The following DST variants were observed in gnomAD, a reference collection of about 807,000 sequenced individuals.
DST encodes the protein dystonin, also known as bullous pemphigoid antigen.
DST carries 253 observed loss-of-function variants against 875.2 expected under a neutral mutation model. The ratio of observed to expected loss-of-function variants is 0.29; its 90% CI spans 0.26 to 0.32. DST has a LOEUF of 0.32. Among genes scored for constraint, DST ranks in the 10% least tolerant of loss-of-function variants. The pLI is 1.00. For missense variants in DST, 8,287 were observed against 9,111.6 expected, an observed-to-expected ratio of 0.91 and a Z score of 3.68; for synonymous variants, 3,124 against 3,197.1, an observed-to-expected ratio of 0.98 and a Z score of 0.77.
intron 4 of DST, among the ~76,000 whole-genome samples, chr6:56,781,859 C>G (rs867855998): frequency 6.6e-6 from 1 of 152,064 alleles, no homozygotes; most frequent in Non-Finnish European, 1.5e-5. Context: ...GGCTGTGGGT[C>G]TGTCATAGAT....
Position 56,553,301 on chromosome 6 carries a change from G to A in DST, c.15491C>T (p.Ser5164Leu), listed in dbSNP as rs372645800. 8 of 1,613,314 alleles carry A rather than the reference G, an allele frequency of 5.0e-6. No individual in the cohort carries two copies. The highest frequency in any genetic ancestry group is 5.1e-6 in the Non-Finnish European group (6 of 1,179,836). Residue 5164 changes from serine to leucine, a missense_variant, in exon 61 of 104, where the codon TCA (serine) becomes TTA (leucine). Coordinates refer to ENST00000680361, the MANE Select transcript of DST (RefSeq NM_001374736.1). ...TTTATACTTAAGGGCTTTTTCCAATGACTCTTTTAACTTGTTTTCTCTTTC... is the reference window on the plus strand; with the variant it reads ...TTTATACTTAAGGGCTTTTTCCAATAACTCTTTTAACTTGTTTTCTCTTTC... ...VKERENKLKE[S>L]LEKALKYKEQ...
intron 49 of DST, among the ~76,000 whole-genome samples, chr6:56,585,035 G>A (rs1366735622): frequency 1.3e-5 from 2 of 151,938 alleles, no homozygotes; most frequent in Non-Finnish European, 2.9e-5. Context: ...TGTTCATCAA[G>A]GATATTGGTC....
At chr6:56,582,823 C>T (rs951060275) in intron 49 of DST, among the ~76,000 whole-genome samples, 2 of 151,974 alleles carry the variant, frequency 1.3e-5, no homozygotes, top group Non-Finnish European at 2.9e-5. Context: ...TCAATTCCCA[C>T]CTATGAGTGA....
chr6:56,948,263 C>T (rs1038140195), intron 2 of DST, among the ~76,000 whole-genome samples: 11 of 152,042 alleles, frequency 7.2e-5, no homozygotes, highest in Non-Finnish European at 1.5e-4. Context: ...TTTACCTTTT[C>T]ACTTTAAGGA....
chr6:56,908,693 TA>T (rs1401031336), intron 2 of DST, among the ~76,000 whole-genome samples: 2 of 152,058 alleles, frequency 1.3e-5, no homozygotes, highest in Non-Finnish European at 2.9e-5. Flanking sequence ...CAGGATGAGA[TA>T]GGAGGTTGGC....
chr6:56,461,467 G>A (rs568489444), intron 102 of DST: 4 of 152,336 alleles, frequency 2.6e-5, no homozygotes, highest in Admixed American at 2.6e-4. Context: ...ACGAGGGAGT[G>A]AGAAGCCACA....
intron 10 of DST, among the ~76,000 whole-genome samples, chr6:56,670,112 CTG>C (rs1025414530): frequency 7.6e-5 from 11 of 144,816 alleles, no homozygotes; most frequent in Non-Finnish European, 1.2e-4. Context: ...CATATTACAG[CTG>C]TGTGTGCGAG....
At chr6:56,584,091 C>T (rs1371320696) in intron 49 of DST, among the ~76,000 whole-genome samples, 3 of 152,156 alleles carry the variant, frequency 2.0e-5, no homozygotes, top group Admixed American at 1.3e-4. Flanking sequence ...TTTTTGGTTC[C>T]ATATGAACTT....
chr6:56,545,751 T>A (rs1051883116), intron 61 of DST, among the ~76,000 whole-genome samples: 2 of 152,184 alleles, frequency 1.3e-5, no homozygotes, highest in African/African-American at 4.8e-5. Flanking sequence ...AAGTTCAATG[T>A]GCAGTAAGTG....
chr6:56,695,235 T>C (rs2099257184), intron 9 of DST, among the ~76,000 whole-genome samples: 1 of 151,978 alleles, frequency 6.6e-6, no homozygotes, highest in South Asian at 2.1e-4. Context: ...TGCTTCCCCT[T>C]TGCCTTCCAC....
At chr6:56,882,877 T>C (rs1419373087) in intron 3 of DST, among the ~76,000 whole-genome samples, 1 of 152,120 alleles carries the variant, frequency 6.6e-6, no homozygotes, top group African/African-American at 2.4e-5. Context: ...TTTTTTCTTT[T>C]CCCCCCCAAG....
In DST at chr6:56,640,554, A is replaced by G. The variant is rs2098884845; in HGVS notation, c.2079T>C (p.Ser693=). The change falls in exon 18 of 104, where the codon TCT becomes TCC. Residue 693 remains serine, a synonymous_variant. Transcript: ENST00000680361. ...TCAGTATGCGTCCTTTGCTGTACAC[A>G]GAAGAACATTCGTTCCTTAAGGCCA... The part of the protein sequence containing the change: ...EIMALRNECS[S]VYSKGRILTT... The G allele has an allele frequency of 5.0e-6, 8 of 1,614,246 alleles. No homozygotes were observed. The highest frequency in any genetic ancestry group is 6.8e-6 in the Non-Finnish European group (8 of 1,180,034).
intron 4 of DST, among the ~76,000 whole-genome samples, chr6:56,758,535 A>G (rs2099609647): frequency 6.6e-6 from 1 of 152,238 alleles, no homozygotes; most frequent in Non-Finnish European, 1.5e-5. Flanking sequence ...CAAACCAGGT[A>G]CAAGGGGGGC....
At chr6:56,654,585 G>GCTATATATATATATATATATAT (rs1563483700) in intron 10 of DST, among the ~76,000 whole-genome samples, 1 of 118,822 alleles carries the variant, frequency 8.4e-6, no homozygotes, top group African/African-American at 5.0e-5. Context: ...TCTCCCCTAG[G>GCTATATATATATATATATATAT]CTATATATAT....
At chr6:56,678,526 A>T (rs1259127584) in intron 9 of DST, among the ~76,000 whole-genome samples, 2 of 152,212 alleles carry the variant, frequency 1.3e-5, no homozygotes, top group Non-Finnish European at 2.9e-5. Context: ...CTAGAGAAAA[A>T]CGAAGAGTAG....
chr6:56,646,132 C>T lies in DST; in HGVS notation c.1605G>A (p.Lys535=). Residue 535 remains lysine, a synonymous_variant, in exon 14 of 104, where the codon AAG becomes AAA. Transcript: ENST00000680361. ...GTTTAATTTTTGATTTTTCTGTCTC[C>T]TTTGGTGGAATTTCTGTTTCTTTAA... is the stretch of plus-strand genomic sequence containing the variant. ...LQFKETEIPP[K]ETEKSKIKRL... 1 of 1,538,608 alleles carries T rather than the reference C, an allele frequency of 6.5e-7. No individual in the cohort carries two copies. The highest frequency in any genetic ancestry group is 8.8e-7 in the Non-Finnish European group (1 of 1,133,014).
rs2097014770 is a variant in DST at position 56,536,931 on chromosome 6, T to C, written c.16618A>G (p.Lys5540Glu). ...QQLNMFKVFQ[K>E]EEIEPLQGKQ... is the part of the protein sequence containing the mutation. The stretch of plus-strand genomic sequence containing the variant: ...CCTTGCAAGGGTTCAATCTCTTCTT[T>C]CTGGAATACCTGCAGTTAAAAGAGT... Residue 5540 changes from lysine to glutamate, a missense_variant, in exon 62 of 104, where the codon AAA becomes GAA. This residue lies in a region of DST where 777 missense variants were observed against 764.8 expected (regional missense o/e 1.02). Transcript: ENST00000680361. 1 of 1,613,718 alleles carries C rather than the reference T, an allele frequency of 6.2e-7. No homozygotes were observed. The highest frequency in any genetic ancestry group is 8.5e-7 in the Non-Finnish European group (1 of 1,179,788).
intron 99 of DST, 30 bp from the exon 100 acceptor site, chr6:56,464,786 C>T (rs1324017311): frequency 6.7e-7 from 1 of 1,496,412 alleles, no homozygotes; most frequent in Admixed American, 1.9e-5. Context: ...ATACCAATCA[C>T]ATTAAAGAAT....
In DST at chr6:56,605,436, A is replaced by C; in HGVS notation, c.9192T>G (p.Gly3064=). The change falls in exon 40 of 104, where the codon GGT becomes GGG. Residue 3064 remains glycine (G), a synonymous_variant. Coordinates refer to ENST00000680361, the MANE Select transcript of DST (RefSeq NM_001374736.1). ...YLGEGEVLVE[G]LVEEENRHLK... ...GATGCCTATTTTCTTCTTCTACTAG[A>C]CCTTCTACAAGCACTTCTCCTTCAC... The C allele has an allele frequency of 6.2e-6, 10 of 1,612,884 alleles. No homozygotes were observed. The highest frequency in any genetic ancestry group is 8.5e-6 in the Non-Finnish European group (10 of 1,179,284).
Sources: gnomAD v4.1 joint callset for allele counts (sites outside exome capture counted in the v4.1 genomes callset) on GRCh38, gnomAD v4.1.1 for gene constraint, gnomAD v4.1.1 regional missense constraint, MANE v1.5 for transcripts, NCBI Gene and HGNC (gene_info 2026-07-23, HGNC 2026-07-21) for gene names.